PEAK1: variants seen among roughly 807,000 people sequenced by gnomAD.
PEAK1 encodes the protein pseudopodium enriched atypical kinase 1.
PEAK1 carries 54 observed loss-of-function variants against 124.7 expected under a neutral mutation model. That is an observed-to-expected ratio of 0.43 (90% CI 0.35 to 0.54). PEAK1 has a LOEUF of 0.54. PEAK1 is among the 20% of genes least tolerant of loss of function. PEAK1 has a pLI of 0.01. For synonymous variants in PEAK1, 719 were observed against 760.0 expected (o/e 0.95, Z 0.89); for missense variants, 2,046 against 2,134.5 (o/e 0.96, Z 0.82).
At chr15:77,332,721 C>A (rs959012403) in intron 2 of PEAK1, among the ~76,000 whole-genome samples, 1 of 152,136 alleles carries the variant, frequency 6.6e-6, no homozygotes, top group Non-Finnish European at 1.5e-5. Context: ...AAAAGCTTTA[C>A]CAATCTGGTA....
rs942201486 is a variant in PEAK1, at chr15:77,203,726, AT to A, written c.-114-21687del. Among the ~76,000 whole-genome samples, 11 of 152,024 alleles carry A rather than the reference AT, an allele frequency of 7.2e-5. No individual in the cohort carries two copies. The South Asian group carries it at 1.9e-3, about 26-fold the overall frequency. ...CTGGACATCCAAAAAAAAAAAAAAAATCTCAATACAGATACTATATCCTTCA... is the reference window on the plus strand; with the variant it reads ...CTGGACATCCAAAAAAAAAAAAAAAACTCAATACAGATACTATATCCTTCA... On this transcript the variant is annotated intron_variant, in intron 6 of 9. Coordinates refer to ENST00000682557, the MANE Select transcript of PEAK1 (RefSeq NM_001385026.1).
At chr15:77,198,216 A>G (rs1419973555) in intron 6 of PEAK1, among the ~76,000 whole-genome samples, 1 of 152,228 alleles carries the variant, frequency 6.6e-6, no homozygotes, top group Non-Finnish European at 1.5e-5. Flanking sequence ...TCTGCTTAAA[A>G]GGCCATGCGA....
At chr15:77,341,540 C>T (rs1176076410) in intron 2 of PEAK1, among the ~76,000 whole-genome samples, 4 of 151,734 alleles carry the variant, frequency 2.6e-5, no homozygotes, top group Non-Finnish European at 1.5e-5. Context: ...TTGGTGTTCA[C>T]AGTTTTTATT....
chr15:77,182,101 T>C, intron 6 of PEAK1, 61 bp from the exon 7 acceptor site: 2 of 1,277,886 alleles, frequency 1.6e-6, no homozygotes, highest in Non-Finnish European at 2.0e-6. Flanking sequence ...GACTTACCAT[T>C]ATTAGTGACT....
chr15:77,419,478 G>A, intron 1 of PEAK1: 1 of 985,174 alleles, frequency 1.0e-6, no homozygotes, highest in Non-Finnish European at 1.2e-6. Flanking sequence ...GCCGCGGCGC[G>A]AAGGGAGCAG....
At position 77,230,739 on chromosome 15, in the gene PEAK1, G is replaced by A. The variant is rs537843679; in HGVS notation, c.-115+21628C>T. Among the ~76,000 whole-genome samples the A allele has an allele frequency of 7.9e-5, 12 of 152,072 alleles. No individual in the cohort carries two copies. The South Asian group carries it at 1.0e-3, about 13-fold the overall frequency. ...CAATGAGATTCTGTCTCACTGTGGC[G>A]GGAGGATCACTTGAGTCCAGCAGTT... On this transcript the variant is annotated intron_variant, in intron 6 of 9. Transcript: ENST00000682557.
intron 2 of PEAK1, chr15:77,348,981 A>G: frequency 1.1e-6 from 1 of 938,482 alleles, no homozygotes; most frequent in Non-Finnish European, 1.3e-6. Flanking sequence ...TTTCTTACTT[A>G]TAATTTAACT....
intron 1 of PEAK1, chr15:77,371,273 C>T (rs2141684329): frequency 1.0e-6 from 1 of 955,370 alleles, no homozygotes; most frequent in East Asian, 1.2e-4. Flanking sequence ...ACCTAAATAC[C>T]TGTTGAATTA....
At chr15:77,328,810 T>C (rs1162418165) in intron 2 of PEAK1, among the ~76,000 whole-genome samples, 6 of 152,200 alleles carry the variant, frequency 3.9e-5, no homozygotes, top group African/African-American at 1.4e-4. Flanking sequence ...GGAATTATTT[T>C]CACTGAAACA....
chr15:77,354,768 G>A (rs777799171), intron 2 of PEAK1, among the ~76,000 whole-genome samples: 5 of 152,258 alleles, frequency 3.3e-5, no homozygotes, highest in Non-Finnish European at 5.9e-5. Context: ...GGCCAGGCGC[G>A]GTGGTTCATG....
At chr15:77,417,452 TGCGGG>T (rs2072970218) in intron 1 of PEAK1, 29 of 160,864 alleles carry the variant, frequency 1.8e-4, no homozygotes, top group Non-Finnish European at 2.0e-4. Context: ...GGTGGGGGGA[TGCGGG>T]GCGGGGGGGG....
chr15:77,419,088 AC>A (rs1416229044), intron 1 of PEAK1: 1 of 985,020 alleles, frequency 1.0e-6, no homozygotes, highest in African/African-American at 1.8e-5. Flanking sequence ...ACTCATCACT[AC>A]CCCCTCAACG....
chr15:77,371,469 C>A, intron 1 of PEAK1: 4 of 983,076 alleles, frequency 4.1e-6, no homozygotes, highest in African/African-American at 3.5e-5. Context: ...ACATGTAACT[C>A]AGATCTTTAT....
chr15:77,336,245 G>A (rs2141283483), intron 2 of PEAK1: 3 of 985,348 alleles, frequency 3.0e-6, no homozygotes, highest in Non-Finnish European at 3.6e-6. Flanking sequence ...ACCACAATGG[G>A]CACAAAGAAT....
chr15:77,408,878 C>G (rs551875998), intron 1 of PEAK1, among the ~76,000 whole-genome samples: 97 of 152,064 alleles, frequency 6.4e-4, no homozygotes, highest in Non-Finnish European at 1.2e-3. Flanking sequence ...TGCAATCATC[C>G]TGGGCAACAC....
At chr15:77,292,213 A>G (rs1490642433) in intron 2 of PEAK1, among the ~76,000 whole-genome samples, 2 of 152,164 alleles carry the variant, frequency 1.3e-5, no homozygotes, top group Admixed American at 1.3e-4. Context: ...ATGGGAAAGA[A>G]GGTTAGGTTT....
At chr15:77,232,911 A>C (rs975774654) in intron 6 of PEAK1, among the ~76,000 whole-genome samples, 2 of 152,018 alleles carry the variant, frequency 1.3e-5, no homozygotes, top group African/African-American at 4.8e-5. Context: ...ACACCCGGCT[A>C]ATTTTTTGTA....
chr15:77,173,369 A>C (rs1242375211), intron 7 of PEAK1, among the ~76,000 whole-genome samples: 1 of 152,186 alleles, frequency 6.6e-6, no homozygotes, highest in Non-Finnish European at 1.5e-5. Flanking sequence ...ATGGGGTACA[A>C]TGTGATGTTT....
intron 9 of PEAK1, among the ~76,000 whole-genome samples, chr15:77,126,533 G>A (rs2052387730): frequency 6.6e-6 from 1 of 152,138 alleles, no homozygotes; most frequent in Non-Finnish European, 1.5e-5. Flanking sequence ...ATAATAGTGA[G>A]TGATCTATAA....
Sources: gnomAD v4.1 joint callset for allele counts (sites outside exome capture counted in the v4.1 genomes callset) on GRCh38, gnomAD v4.1.1 for gene constraint, MANE v1.5 for transcripts, NCBI Gene and HGNC (gene_info 2026-07-23, HGNC 2026-07-21) for gene names.